The following EBF1 variants were observed in gnomAD, a reference collection of about 807,000 sequenced individuals.
The protein encoded by EBF1 is EBF transcription factor 1, also known as transcription factor COE1.
A neutral mutation model predicts 68.4 loss-of-function variants in EBF1; 10 were observed. That is an observed-to-expected ratio of 0.15 (90% CI 0.09 to 0.25). The LOEUF is 0.25. Ranked by LOEUF, EBF1 falls within the 10% of genes least tolerant of loss-of-function variation. The probability of loss-of-function intolerance (pLI) is 1.00; values close to 1 mark genes in which losing one functional copy is unlikely to be tolerated. For missense variants in EBF1, 509 were observed against 794.4 expected, an observed-to-expected ratio of 0.64 and a Z score of 4.32; for synonymous variants, 298 against 299.8, an observed-to-expected ratio of 0.99 and a Z score of 0.06.
chr5:158,783,674 G>T (rs1255372903), intron 9 of EBF1, among the ~76,000 whole-genome samples: 2 of 152,148 alleles, frequency 1.3e-5, no homozygotes, highest in South Asian at 2.1e-4. Context: ...TCCTGTGGGG[G>T]TTAGCCAGGC....
At chr5:159,042,533 A>G (rs563772142) in intron 6 of EBF1, among the ~76,000 whole-genome samples, 2 of 152,082 alleles carry the variant, frequency 1.3e-5, no homozygotes, top group Admixed American at 1.3e-4. Flanking sequence ...AACTTCCTCC[A>G]AACCAGTTTA....
chr5:158,760,491 A>G (rs1771173774), intron 10 of EBF1, among the ~76,000 whole-genome samples: 1 of 152,182 alleles, frequency 6.6e-6, no homozygotes, highest in Non-Finnish European at 1.5e-5. Flanking sequence ...AACCAGAGCC[A>G]ATGTGTTATT....
chr5:159,052,918 T>C (rs1255156381), intron 6 of EBF1, among the ~76,000 whole-genome samples: 1 of 152,216 alleles, frequency 6.6e-6, no homozygotes, highest in Non-Finnish European at 1.5e-5. Context: ...TCGGTCAAAT[T>C]ATGCAGGGCC....
rs751933144 is a variant in EBF1 at position 158,796,432 on chromosome 5, C to T, written c.822G>A (p.Thr274=). ...TGATGATCACAGTCGCACCTCCCGT[C>T]GTCCATCCTTCACTCGGGCTGATGG... ...IKAISPSEGW[T]TGGATVIIIG... The change falls in exon 9 of 16, where the codon ACG becomes ACA. Residue 274 remains threonine (T), a synonymous_variant. Transcript: ENST00000313708. 3.0e-5 allele frequency: 48 copies of T among 1,613,598 alleles called. No individual in the cohort carries two copies. In the East Asian group the frequency reaches 3.8e-4, roughly 13 times the overall value.
chr5:159,019,534 C>G (rs1766265548), intron 6 of EBF1, among the ~76,000 whole-genome samples: 1 of 152,168 alleles, frequency 6.6e-6, no homozygotes, highest in Non-Finnish European at 1.5e-5. Context: ...GTTTCTATAG[C>G]AACTATAAAA....
chr5:158,809,341 T>C (rs1018537915), intron 8 of EBF1, among the ~76,000 whole-genome samples: 1 of 152,168 alleles, frequency 6.6e-6, no homozygotes, highest in South Asian at 2.1e-4. Context: ...TCCATGTTGA[T>C]TGATATAGTC....
chr5:158,828,466 G>A (rs1378980561), intron 7 of EBF1, among the ~76,000 whole-genome samples: 1 of 152,184 alleles, frequency 6.6e-6, no homozygotes, highest in Admixed American at 6.5e-5. Flanking sequence ...AGGACAAGAT[G>A]AGGGATCCTT....
chr5:158,802,818 T>C (rs1338964532), intron 8 of EBF1, among the ~76,000 whole-genome samples: 2 of 152,144 alleles, frequency 1.3e-5, no homozygotes, highest in African/African-American at 4.8e-5. Flanking sequence ...TTTTGTTGCT[T>C]TACTATGCAC....
chr5:158,767,048 C>T (rs1772853124), intron 10 of EBF1, among the ~76,000 whole-genome samples: 1 of 152,048 alleles, frequency 6.6e-6, no homozygotes, highest in Non-Finnish European at 1.5e-5. Context: ...AATCCCTTAC[C>T]AGAAATTTAT....
intron 6 of EBF1, among the ~76,000 whole-genome samples, chr5:158,954,940 T>TA (rs1273360666): frequency 1.3e-5 from 2 of 152,028 alleles, no homozygotes; most frequent in Non-Finnish European, 2.9e-5. Context: ...TAAAATAATG[T>TA]AAAAAGAAGA....
chr5:158,700,033 T>G (rs1332555105), intron 15 of EBF1, among the ~76,000 whole-genome samples: 1 of 152,216 alleles, frequency 6.6e-6, no homozygotes, highest in African/African-American at 2.4e-5. Flanking sequence ...CACTTAGGGT[T>G]ATTGGAGAGG....
intron 10 of EBF1, among the ~76,000 whole-genome samples, chr5:158,749,389 A>G (rs1462816331): frequency 6.6e-6 from 1 of 152,172 alleles, no homozygotes; most frequent in Non-Finnish European, 1.5e-5. Flanking sequence ...AAATAAACTC[A>G]GAATCTAATA....
intron 6 of EBF1, among the ~76,000 whole-genome samples, chr5:158,845,345 C>T (rs1003556967): frequency 7.2e-5 from 11 of 152,058 alleles, no homozygotes; most frequent in Non-Finnish European, 1.3e-4. Flanking sequence ...CAGCTTTCAC[C>T]GTAATTTTAG....
chr5:158,775,443 C>T (rs1774925531), intron 10 of EBF1, among the ~76,000 whole-genome samples: 1 of 152,030 alleles, frequency 6.6e-6, no homozygotes, highest in Non-Finnish European at 1.5e-5. Flanking sequence ...GGAAACCATG[C>T]CTGATTGCCT....
intron 6 of EBF1, among the ~76,000 whole-genome samples, chr5:159,008,738 T>C (rs922535958): frequency 2.6e-5 from 4 of 152,138 alleles, no homozygotes; most frequent in Admixed American, 2.0e-4. Context: ...GGTTTCACCA[T>C]GTTGACCAGG....
At chr5:158,842,565 G>C (rs748168627) in intron 6 of EBF1, among the ~76,000 whole-genome samples, 1 of 152,168 alleles carries the variant, frequency 6.6e-6, no homozygotes, top group Non-Finnish European at 1.5e-5. Flanking sequence ...TTTGGATAAG[G>C]AGCTGAACTT....
Position 158,895,410 on chromosome 5 carries a change from C to T in EBF1, c.555-55300G>A, listed in dbSNP as rs1387992951. Among the ~76,000 whole-genome samples, 8 of 152,096 alleles carry T rather than the reference C, an allele frequency of 5.3e-5. No individual in the cohort carries two copies. The East Asian group carries it at 1.2e-3, about 22-fold the overall frequency. ...TGTTTGGCTATTCTATAATAAAAAT[C>T]GTGATGAAAATAAAGTTAATACTAA... On this transcript the variant is annotated intron_variant, in intron 6 of 15. Transcript: ENST00000313708.
At chr5:158,963,402 C>A (rs758700488) in intron 6 of EBF1, among the ~76,000 whole-genome samples, 2 of 152,194 alleles carry the variant, frequency 1.3e-5, no homozygotes. Flanking sequence ...ACAGTAAGAA[C>A]ATCTTCAGAA....
chr5:158,967,445 T>G (rs909878276), intron 6 of EBF1, among the ~76,000 whole-genome samples: 1 of 152,184 alleles, frequency 6.6e-6, no homozygotes, highest in Non-Finnish European at 1.5e-5. Flanking sequence ...AAAGTTTCTC[T>G]TTAGTGCTAC....
Sources: allele counts gnomAD v4.1 joint callset (sites outside exome capture counted in the v4.1 genomes callset), GRCh38; gene constraint gnomAD v4.1.1; transcripts MANE v1.5; gene names NCBI Gene and HGNC (gene_info 2026-07-23, HGNC 2026-07-21).